FHIT: variants seen among roughly 807,000 people sequenced by gnomAD.
The protein encoded by FHIT is fragile histidine triad diadenosine triphosphatase.
FHIT carries 19 observed loss-of-function variants against 17.9 expected under a neutral mutation model. That is an observed-to-expected ratio of 1.06 (90% CI 0.74 to 1.56). The LOEUF is 1.56. Ranked by LOEUF, FHIT falls within the 40% of genes most tolerant of loss-of-function variation. The pLI, the probability that FHIT is intolerant of heterozygous loss-of-function variation, is 0.00. For missense variants in FHIT, 248 were observed against 189.2 expected, an observed-to-expected ratio of 1.31 and a Z score of -1.82; for synonymous variants, 81 against 69.7, an observed-to-expected ratio of 1.16 and a Z score of -0.81.
At chr3:59,845,115 T>C (rs1465672299) in intron 8 of FHIT, among the ~76,000 whole-genome samples, 2 of 152,180 alleles carry the variant, frequency 1.3e-5, no homozygotes, top group Admixed American at 6.5e-5. Flanking sequence ...TTTATTTCTG[T>C]AGACTTGATA....
At chr3:61,038,776 G>C (rs1482935357) in intron 3 of FHIT, among the ~76,000 whole-genome samples, 1 of 152,148 alleles carries the variant, frequency 6.6e-6, no homozygotes, top group Non-Finnish European at 1.5e-5. Context: ...TAAAAATCTT[G>C]ATGATTATTG....
chr3:61,046,626 C>A (rs1382892964), intron 2 of FHIT, among the ~76,000 whole-genome samples: 1 of 152,156 alleles, frequency 6.6e-6, no homozygotes, highest in Non-Finnish European at 1.5e-5. Context: ...AGGGAATCAT[C>A]CCTAACTCAT....
chr3:61,212,966 C>G (rs921596573), intron 1 of FHIT, among the ~76,000 whole-genome samples: 23 of 152,146 alleles, frequency 1.5e-4, no homozygotes, highest in African/African-American at 4.1e-4. Flanking sequence ...GAGAGATTTT[C>G]TCACCACCAG....
At chr3:60,089,833 C>T (rs1215092350) in intron 5 of FHIT, among the ~76,000 whole-genome samples, 2 of 152,084 alleles carry the variant, frequency 1.3e-5, no homozygotes, top group African/African-American at 4.8e-5. Context: ...GGCAACATCT[C>T]GTAATATTGT....
At chr3:59,972,519 G>C (rs929268537) in intron 7 of FHIT, among the ~76,000 whole-genome samples, 18 of 152,060 alleles carry the variant, frequency 1.2e-4, no homozygotes, top group African/African-American at 4.1e-4. Flanking sequence ...ACCTCTGAGG[G>C]TGCCTATTCT....
chr3:60,970,135 T>C (rs1328894637), intron 3 of FHIT, among the ~76,000 whole-genome samples: 2 of 152,200 alleles, frequency 1.3e-5, no homozygotes, highest in East Asian at 3.9e-4. Context: ...TTTACTGACA[T>C]TTTGTCTTCA....
chr3:60,553,441 AATAT>A (rs373735298), intron 4 of FHIT: 137 of 483,122 alleles, frequency 2.8e-4, no homozygotes, highest in Middle Eastern at 1.0e-3. Context: ...ACTGCTTTAA[AATAT>A]ATATATATAT....
intron 5 of FHIT, among the ~76,000 whole-genome samples, chr3:60,484,956 A>G (rs1392729509): frequency 6.6e-6 from 1 of 152,208 alleles, no homozygotes; most frequent in South Asian, 2.1e-4. Context: ...AAACAAATTT[A>G]CAAGAAAAAA....
intron 4 of FHIT, among the ~76,000 whole-genome samples, chr3:60,757,463 A>G (rs1303240254): frequency 1.3e-5 from 2 of 152,250 alleles, no homozygotes; most frequent in Non-Finnish European, 1.5e-5. Flanking sequence ...AACTTCCTTT[A>G]GGCAAAGAGG....
intron 4 of FHIT, among the ~76,000 whole-genome samples, chr3:60,669,496 A>C (rs2040462775): frequency 6.6e-6 from 1 of 152,210 alleles, no homozygotes; most frequent in African/African-American, 2.4e-5. Context: ...TTGAACACAC[A>C]AACACACACA....
At chr3:60,130,784 G>GTGTATACACATATATATGTGTGT (rs148356992) in intron 5 of FHIT, among the ~76,000 whole-genome samples, 17 of 111,628 alleles carry the variant, frequency 1.5e-4, no homozygotes, top group Non-Finnish European at 3.3e-4. Context: ...GTGTGTGTGT[G>GTGTATACACATATATATGTGTGT]GTGTGTATAT....
chr3:60,041,376 A>C (rs761016036), intron 5 of FHIT, among the ~76,000 whole-genome samples: 1 of 152,194 alleles, frequency 6.6e-6, no homozygotes, highest in Non-Finnish European at 1.5e-5. Context: ...TGAGCCAATG[A>C]CTTCTTTCAG....
chr3:61,177,350 CAA>C (rs1209324112), intron 2 of FHIT, among the ~76,000 whole-genome samples: 5 of 152,016 alleles, frequency 3.3e-5, no homozygotes, highest in African/African-American at 7.2e-5. Flanking sequence ...CTGCCTGATA[CAA>C]GGGAAGGCAT....
chr3:60,961,138 G>C (rs1195118129), intron 3 of FHIT, among the ~76,000 whole-genome samples: 1 of 152,198 alleles, frequency 6.6e-6, no homozygotes, highest in Non-Finnish European at 1.5e-5. Context: ...AATGGTGTGA[G>C]ATGGTATCTC....
chr3:60,033,523 A>G (rs2106796404), intron 5 of FHIT, among the ~76,000 whole-genome samples: 1 of 152,162 alleles, frequency 6.6e-6, no homozygotes, highest in East Asian at 1.9e-4. Flanking sequence ...GAAAGAAAAG[A>G]AAGAAAGAAA....
intron 4 of FHIT, among the ~76,000 whole-genome samples, chr3:60,541,162 C>G (rs936309555): frequency 2.0e-4 from 30 of 152,210 alleles, no homozygotes; most frequent in African/African-American, 7.2e-4. Flanking sequence ...GGAAGTTCAT[C>G]ACACATTCCT....
At chr3:60,759,206 T>C (rs1204762766) in intron 4 of FHIT, among the ~76,000 whole-genome samples, 9 of 152,090 alleles carry the variant, frequency 5.9e-5, no homozygotes, top group African/African-American at 2.2e-4. Context: ...AGTAGAACAG[T>C]GATAGGAATT....
chr3:59,876,993 A>G (rs9853585), intron 8 of FHIT, among the ~76,000 whole-genome samples: 6,963 of 152,274 alleles, frequency 0.046, 459 homozygotes, highest in African/African-American at 0.15. Context: ...AGAAGAAATG[A>G]GAATCATTCT....
At position 59,902,924 on chromosome 3, in the gene FHIT, G is replaced by A. The variant is rs536019555; in HGVS notation, c.348+19422C>T. ...ATATTGTATACTTGAAATTTGCTGAGAGAGTAGATCTTTACTGCTCTCACC... is the reference window on the plus strand; with the variant it reads ...ATATTGTATACTTGAAATTTGCTGAAAGAGTAGATCTTTACTGCTCTCACC... On this transcript the variant is annotated intron_variant, in intron 8 of 9. Transcript: ENST00000492590. Among the ~76,000 whole-genome samples, 4 of 152,250 alleles carry A rather than the reference G, an allele frequency of 2.6e-5. No homozygotes were observed. In the East Asian group the frequency reaches 7.7e-4, roughly 29 times the overall value.
Sources: gnomAD v4.1 joint callset for allele counts (sites outside exome capture counted in the v4.1 genomes callset) on GRCh38, gnomAD v4.1.1 for gene constraint, MANE v1.5 for transcripts, NCBI Gene and HGNC (gene_info 2026-07-23, HGNC 2026-07-21) for gene names.